The following KCNG2 variants were observed in gnomAD, a reference collection of about 807,000 sequenced individuals.
KCNG2 encodes the protein potassium voltage-gated channel modifier subfamily G member 2, also known as voltage-gated potassium channel regulatory subunit KCNG2.
In KCNG2, 7 loss-of-function variants were observed where a neutral mutation model predicts 12.3. That is an observed-to-expected ratio of 0.57 (90% confidence interval 0.32 to 1.07). The LOEUF (loss-of-function observed/expected upper bound fraction) is 1.07, where lower values mean the gene tolerates loss of function less well. Ranked by LOEUF, KCNG2 falls within the 50% of genes least tolerant of loss-of-function variation. The pLI, the probability that KCNG2 is intolerant of heterozygous loss-of-function variation, is 0.04. For missense variants in KCNG2, 703 were observed against 726.0 expected (o/e 0.97, Z 0.36); for synonymous variants, 414 against 351.4 (o/e 1.18, Z -1.99).
At chr18:79,833,602 C>T (rs1978308059) in intron 1 of KCNG2, among the ~76,000 whole-genome samples, 1 of 152,130 alleles carries the variant, frequency 6.6e-6, no homozygotes, top group Non-Finnish European at 1.5e-5. Context: ...AGAACAAAGC[C>T]CAAATCTCTT....
chr18:79,889,261 T>C (rs1208466391), intron 3 of KCNG2, among the ~76,000 whole-genome samples: 6 of 152,226 alleles, frequency 3.9e-5, no homozygotes. Flanking sequence ...CTTCTAAAGT[T>C]CTGTAACTTT....
Position 79,863,834 on chromosome 18 carries a change from T to TG in KCNG2, c.168dup (p.Arg57AlafsTer4). 1.4e-6 allele frequency: 2 copies of TG among 1,433,604 alleles called. No homozygotes were observed. The highest frequency in any genetic ancestry group is 1.8e-6 in the Non-Finnish European group (2 of 1,088,440). The allele number at this position is 1,433,604 out of a possible 1,614,324, so 88.8% of individuals were successfully genotyped here. The stretch of plus-strand genomic sequence containing the variant: ...GCCTGCCGCGGCCACGACGACCTGC[T>TG]GCGCGTGTGTGACGACTACGACGTG... On this transcript the variant is annotated frameshift_variant, in exon 3 of 4. Coordinates refer to ENST00000316249, the MANE Select transcript of KCNG2 (RefSeq NM_012283.2). LOFTEE classifies it high-confidence loss of function.
At chr18:79,883,317 G>C (rs369083263) in intron 3 of KCNG2, among the ~76,000 whole-genome samples, 4 of 152,340 alleles carry the variant, frequency 2.6e-5, no homozygotes, top group African/African-American at 9.6e-5. Context: ...GCGTCTTTGC[G>C]CTGCGTTTTC....
chr18:79,810,644 G>A (rs1166171739), intron 1 of KCNG2, among the ~76,000 whole-genome samples: 7 of 152,160 alleles, frequency 4.6e-5, no homozygotes, highest in Non-Finnish European at 8.8e-5. Context: ...CAGGCCTGTA[G>A]TTGCAGCTAC....
At chr18:79,820,602 T>C (rs2087563370) in intron 1 of KCNG2, among the ~76,000 whole-genome samples, 1 of 152,208 alleles carries the variant, frequency 6.6e-6, no homozygotes, top group African/African-American at 2.4e-5. Context: ...GAAAAGTCTG[T>C]TCAAATGGGT....
intron 1 of KCNG2, among the ~76,000 whole-genome samples, chr18:79,824,103 G>C (rs950215485): frequency 4.6e-5 from 7 of 152,304 alleles, no homozygotes; most frequent in African/African-American, 1.7e-4. Context: ...CCCAGGCTCA[G>C]ATGATCCTCC....
At chr18:79,860,546 T>C (rs1979173103) in intron 2 of KCNG2, among the ~76,000 whole-genome samples, 1 of 152,256 alleles carries the variant, frequency 6.6e-6, no homozygotes, top group East Asian at 1.9e-4. Flanking sequence ...GATGCTCTTA[T>C]AAATGGAATT....
intron 1 of KCNG2, among the ~76,000 whole-genome samples, chr18:79,838,148 A>T (rs536693814): frequency 6.6e-6 from 1 of 152,244 alleles, no homozygotes; most frequent in East Asian, 1.9e-4. Flanking sequence ...CTGGCCCATA[A>T]TCCAGTCACC....
Position 79,900,028 on chromosome 18 carries a change from C to G in KCNG2, c.*212C>G. The G allele has an allele frequency of 2.7e-6, 1 of 376,298 alleles. No homozygotes were observed. The highest frequency in any genetic ancestry group is 4.7e-6 in the Non-Finnish European group (1 of 213,738). The allele number at this position is 376,298 out of a possible 1,614,324, so 23.3% of individuals were successfully genotyped here. On this transcript the variant is annotated 3_prime_UTR_variant, in exon 4 of 4. Coordinates refer to ENST00000316249, the MANE Select transcript of KCNG2 (RefSeq NM_012283.2). Reference sequence around the variant, plus strand: ...GGGCAAAGTCACTGGCCTTTGTCCTCCTGCCCCACCCCTTTCCTTGGATTT... The same window carrying G: ...GGGCAAAGTCACTGGCCTTTGTCCTGCTGCCCCACCCCTTTCCTTGGATTT...
In KCNG2 at chr18:79,864,175, C is replaced by G. The variant is rs1189506594; in HGVS notation, c.508C>G (p.Pro170Ala). ...RRRLRDVVDN[P>A]HSGLAGKLFA... ...GCGCCTGCGCGACGTGGTGGACAAC[C>G]CGCACTCGGGGCTGGCGGGCAAGCT... Residue 170 changes from proline to alanine, a missense_variant, in exon 3 of 4, where the codon CCG becomes GCG. Pro to Ala is a conservative substitution (Grantham distance 27, BLOSUM62 -1). Transcript: ENST00000316249. 2 of 1,513,690 alleles carry G rather than the reference C, an allele frequency of 1.3e-6. No individual in the cohort carries two copies. Among genetic ancestry groups the G allele is most frequent in the Non-Finnish European group, 1.8e-6 (2 of 1,135,118 alleles). The allele number at this position is 1,513,690 out of a possible 1,614,324, so 93.8% of individuals were successfully genotyped here. A position where few individuals can be genotyped will look rare whatever the true frequency, so the allele number is the denominator to read the frequency against.
chr18:79,804,516 G>A (rs1331563475), intron 1 of KCNG2, among the ~76,000 whole-genome samples: 1 of 152,224 alleles, frequency 6.6e-6, no homozygotes, highest in Non-Finnish European at 1.5e-5. Flanking sequence ...TGCACCCGTG[G>A]CCGGTCCTGA....
Position 79,897,225 on chromosome 18 carries a change from C to T in KCNG2, c.625-1815C>T, listed in dbSNP as rs576405898. Among the ~76,000 whole-genome samples, 187 of 152,058 alleles carry T rather than the reference C, an allele frequency of 1.2e-3. 1 individual carries two copies. In the South Asian group the frequency reaches 0.015, roughly 12 times the overall value. ...ATTATGCATATATTGGTGCATATAACGGTGTCCCACACTTCCTAAAGCGCT... is the reference window on the plus strand; with the variant it reads ...ATTATGCATATATTGGTGCATATAATGGTGTCCCACACTTCCTAAAGCGCT... On this transcript the variant is annotated intron_variant, in intron 3 of 3. Transcript: ENST00000316249.
At chr18:79,815,359 G>A (rs1177204145) in intron 1 of KCNG2, among the ~76,000 whole-genome samples, 1 of 150,924 alleles carries the variant, frequency 6.6e-6, no homozygotes, top group African/African-American at 2.4e-5. Flanking sequence ...AGGATCACTT[G>A]AGCCTGGGAG....
chr18:79,856,879 T>C (rs1321609639), intron 2 of KCNG2, among the ~76,000 whole-genome samples: 1 of 151,790 alleles, frequency 6.6e-6, no homozygotes, highest in East Asian at 1.9e-4. Flanking sequence ...CTTCAGAGCC[T>C]TTAATCCCCC....
At chr18:79,855,364 T>G (rs1173764877) in intron 1 of KCNG2, among the ~76,000 whole-genome samples, 4 of 152,176 alleles carry the variant, frequency 2.6e-5, no homozygotes, top group Non-Finnish European at 4.4e-5. Flanking sequence ...ACCCACTGGA[T>G]GCCAGTCACG....
At chr18:79,851,177 A>C (rs1247831682) in intron 1 of KCNG2, among the ~76,000 whole-genome samples, 1 of 152,226 alleles carries the variant, frequency 6.6e-6, no homozygotes, top group Non-Finnish European at 1.5e-5. Context: ...CAAGACAAAA[A>C]AAAAGATCAT....
intron 3 of KCNG2, among the ~76,000 whole-genome samples, chr18:79,895,551 T>C (rs1245457328): frequency 2.6e-5 from 4 of 152,062 alleles, no homozygotes; most frequent in Non-Finnish European, 5.9e-5. Flanking sequence ...CATTCACATC[T>C]AATGTTATGA....
In KCNG2 at chr18:79,822,214, C is replaced by T. The variant is rs1302852778; in HGVS notation, c.-115+24200C>T. ...AAAGTTGCAGATTCATAGAGGTTCC[C>T]ATGTCTCCCACCCAGCTTCCTCCAG... On this transcript the variant is annotated intron_variant, in intron 1 of 3. Transcript: ENST00000316249. The surrounding 1 kb of genome is among the most constrained non-coding windows in gnomAD (Gnocchi z 4.4). 6.6e-6 allele frequency among the ~76,000 whole-genome samples: 1 copy of T among 152,138 alleles called. No individual in the cohort carries two copies. Among genetic ancestry groups the T allele is most frequent in the African/African-American group, 2.4e-5 (1 of 41,422 alleles).
chr18:79,899,087 G>A lies in KCNG2; in HGVS notation c.672G>A (p.Val224=), dbSNP rs376671968. The change falls in exon 4 of 4, where the codon GTG becomes GTA. Residue 224 remains valine (V), a synonymous_variant. Coordinates refer to ENST00000316249, the MANE Select transcript of KCNG2 (RefSeq NM_012283.2). ...GCAGCCTGTTCGTGCTGGAGACCGTGTGCGTGGCCTGGTTCTCCTTCGAGT... is the reference window on the plus strand; with the variant it reads ...GCAGCCTGTTCGTGCTGGAGACCGTATGCGTGGCCTGGTTCTCCTTCGAGT... The part of the protein sequence containing the change: ...KCRSLFVLET[V]CVAWFSFEFL... The A allele has an allele frequency of 3.8e-5, 61 of 1,599,790 alleles. 1 individual carries two copies. The highest frequency in any genetic ancestry group is 4.9e-5 in the Non-Finnish European group (58 of 1,176,356).
Sources: allele counts gnomAD v4.1 joint callset (sites outside exome capture counted in the v4.1 genomes callset), GRCh38; gene constraint gnomAD v4.1.1; non-coding constraint Gnocchi (gnomAD v3.1); transcripts MANE v1.5; gene names NCBI Gene and HGNC (gene_info 2026-07-23, HGNC 2026-07-21).